Variants in DCAF5 observed in about 807,000 individuals in gnomAD.
DCAF5 encodes DDB1- and CUL4-associated factor 5.
Under a neutral mutation model 80.7 loss-of-function variants are expected in DCAF5, and 9 were observed. The ratio of observed to expected loss-of-function variants is 0.11; its 90% CI spans 0.07 to 0.19. The LOEUF is 0.19. Among genes scored for constraint, DCAF5 ranks in the 10% least tolerant of loss-of-function variants. The pLI, the probability that DCAF5 is intolerant of heterozygous loss-of-function variation, is 1.00. For synonymous variants in DCAF5, 433 were observed against 461.9 expected, an observed-to-expected ratio of 0.94 and a Z score of 0.80; for missense variants, 842 against 1,205.7, an observed-to-expected ratio of 0.70 and a Z score of 4.47.
intron 6 of DCAF5, among the ~76,000 whole-genome samples, chr14:69,088,086 C>A (rs562608733): frequency 6.6e-6 from 1 of 152,290 alleles, no homozygotes; most frequent in East Asian, 1.9e-4. Flanking sequence ...TAAAGCTGTA[C>A]AGAAGCTGGC....
intron 7 of DCAF5, among the ~76,000 whole-genome samples, chr14:69,069,975 C>A (rs912017359): frequency 6.6e-6 from 1 of 152,094 alleles, no homozygotes; most frequent in African/African-American, 2.4e-5. Flanking sequence ...TAAGTACTCT[C>A]ACAATAATCC....
intron 6 of DCAF5, chr14:69,089,741 G>A (rs148707082): frequency 1.9e-3 from 333 of 179,444 alleles, no homozygotes; most frequent in South Asian, 3.4e-3. Context: ...TCAACCAGGG[G>A]CAATTTTCCC....
In DCAF5 at chr14:69,072,837, C is replaced by G. The variant is rs556634681; in HGVS notation, c.946+2508G>C. On this transcript the variant is annotated intron_variant, in intron 7 of 8. Coordinates refer to ENST00000341516, the MANE Select transcript of DCAF5 (RefSeq NM_003861.3). ...ATGCTGAAGAGTGATACAGAGAAAA[C>G]AAACCCTCAATTACAGTGAATCCAA... 5.9e-5 allele frequency among the ~76,000 whole-genome samples: 9 copies of G among 152,236 alleles called. No individual in the cohort carries two copies. In the South Asian group the frequency reaches 1.9e-3, roughly 32 times the overall value.
chr14:69,128,671 G>A (rs1384449539), intron 1 of DCAF5, among the ~76,000 whole-genome samples: 5 of 152,184 alleles, frequency 3.3e-5, no homozygotes, highest in Admixed American at 6.5e-5. Flanking sequence ...GGGAGGATGA[G>A]GCAGGAGAAT....
chr14:69,073,701 T>C (rs1173438370), intron 7 of DCAF5, among the ~76,000 whole-genome samples: 1 of 152,154 alleles, frequency 6.6e-6, no homozygotes, highest in Non-Finnish European at 1.5e-5. Flanking sequence ...AAACCTACAA[T>C]ACTATTGCTA....
chr14:69,139,354 C>T (rs568902323), intron 1 of DCAF5, among the ~76,000 whole-genome samples: 1 of 151,542 alleles, frequency 6.6e-6, no homozygotes, highest in South Asian at 2.1e-4. Flanking sequence ...CGTGGTGATG[C>T]ACACATAGGT....
chr14:69,131,439 C>T (rs2041036561), intron 1 of DCAF5, among the ~76,000 whole-genome samples: 2 of 152,188 alleles, frequency 1.3e-5, no homozygotes, highest in Admixed American at 1.3e-4. Flanking sequence ...GTGTGACACA[C>T]AGCCCAGCTA....
At chr14:69,116,901 T>G (rs538535825) in intron 4 of DCAF5, among the ~76,000 whole-genome samples, 5 of 152,090 alleles carry the variant, frequency 3.3e-5, no homozygotes, top group Non-Finnish European at 7.4e-5. Flanking sequence ...TTTAGAAAAG[T>G]TTTTAAACCA....
chr14:69,115,068 G>A (rs754243997), intron 5 of DCAF5, among the ~76,000 whole-genome samples: 2 of 152,176 alleles, frequency 1.3e-5, no homozygotes, highest in Non-Finnish European at 2.9e-5. Flanking sequence ...TTTGTAATAC[G>A]GATGAGGCAG....
intron 5 of DCAF5, among the ~76,000 whole-genome samples, chr14:69,106,204 C>G (rs1420802460): frequency 6.7e-6 from 1 of 148,946 alleles, no homozygotes; most frequent in Non-Finnish European, 1.5e-5. Context: ...TTACAGGGGC[C>G]CACCACTACG....
rs1173159611 is a variant in DCAF5 at position 69,055,826 on chromosome 14, C to T, written c.1075-215G>A. ...TTTTAGAATCAGATGTGGGGAAATG[C>T]ATGGTCTAGAACACAGTATTAGCCT... On this transcript the variant is annotated intron_variant, in intron 8 of 8. Transcript: ENST00000341516. The surrounding 1 kb of genome is among the most constrained non-coding windows in gnomAD (Gnocchi z 5.6). 6.6e-6 allele frequency among the ~76,000 whole-genome samples: 1 copy of T among 152,168 alleles called. No individual in the cohort carries two copies. Among genetic ancestry groups the T allele is most frequent in the Non-Finnish European group, 1.5e-5 (1 of 68,038 alleles).
intron 7 of DCAF5, among the ~76,000 whole-genome samples, chr14:69,065,096 C>CTGT (rs34748237): frequency 1.2e-4 from 14 of 120,316 alleles, no homozygotes; most frequent in African/African-American, 4.2e-4. Flanking sequence ...AATATGACCT[C>CTGT]TTTTTTTTTT....
intron 2 of DCAF5, among the ~76,000 whole-genome samples, chr14:69,120,518 G>A (rs1032138175): frequency 2.6e-5 from 4 of 152,142 alleles, no homozygotes; most frequent in African/African-American, 7.2e-5. Context: ...CATGATATGT[G>A]TAGTCCTGCC....
intron 7 of DCAF5, among the ~76,000 whole-genome samples, chr14:69,065,096 CTTTT>C (rs34005299): frequency 2.5e-5 from 3 of 120,332 alleles, no homozygotes; most frequent in African/African-American, 6.4e-5. Flanking sequence ...AATATGACCT[CTTTT>C]TTTTTTTTTT....
intron 7 of DCAF5, among the ~76,000 whole-genome samples, chr14:69,071,699 G>T (rs1283517913): frequency 6.6e-6 from 1 of 152,162 alleles, no homozygotes; most frequent in Non-Finnish European, 1.5e-5. Context: ...AAGACATTAG[G>T]TTGGATTAAG....
At chr14:69,077,114 G>A (rs2038929540) in intron 6 of DCAF5, among the ~76,000 whole-genome samples, 1 of 152,192 alleles carries the variant, frequency 6.6e-6, no homozygotes, top group African/African-American at 2.4e-5. Context: ...TGATTAACGT[G>A]TTTTACTTTA....
intron 2 of DCAF5, among the ~76,000 whole-genome samples, chr14:69,121,368 T>C (rs762581037): frequency 7.9e-5 from 12 of 152,182 alleles, no homozygotes; most frequent in Non-Finnish European, 1.8e-4. Flanking sequence ...CTGACAGGAC[T>C]TGGTGACAGA....
At position 69,061,837 on chromosome 14, in the gene DCAF5, C is replaced by G. The variant is rs1326674257; in HGVS notation, c.1074+547G>C. The stretch of plus-strand genomic sequence containing the variant: ...AGTGTCTAGAAGACAACCTCTGTTT[C>G]AAAGCCTAGTGATTAGTTTAAAAAA... On this transcript the variant is annotated intron_variant, in intron 8 of 8. Transcript: ENST00000341516. Among the ~76,000 whole-genome samples the G allele has an allele frequency of 2.6e-5, 4 of 152,284 alleles. No homozygotes were observed. The East Asian group carries it at 7.7e-4, about 29-fold the overall frequency.
chr14:69,106,830 A>C lies in DCAF5; in HGVS notation c.665+9536T>G, dbSNP rs543990893. 9.2e-5 allele frequency among the ~76,000 whole-genome samples: 14 copies of C among 152,298 alleles called. No individual in the cohort carries two copies. The East Asian group carries it at 1.9e-3, about 21-fold the overall frequency. Reference sequence around the variant, plus strand: ...TGAGATGAGTGGATCACTTGAAGTCAGGAGTTCAAGACCAACCTGGCCAAC... The same window carrying C: ...TGAGATGAGTGGATCACTTGAAGTCCGGAGTTCAAGACCAACCTGGCCAAC... On this transcript the variant is annotated intron_variant, in intron 5 of 8. Coordinates refer to ENST00000341516, the MANE Select transcript of DCAF5 (RefSeq NM_003861.3).
Sources: allele counts gnomAD v4.1 joint callset (sites outside exome capture counted in the v4.1 genomes callset), GRCh38; gene constraint gnomAD v4.1.1; non-coding constraint Gnocchi (gnomAD v3.1); transcripts MANE v1.5; gene names NCBI Gene and HGNC (gene_info 2026-07-23, HGNC 2026-07-21).